Variants in SPPL3 observed in about 807,000 individuals in gnomAD.
SPPL3 encodes the protein signal peptide peptidase like 3.
Under a neutral mutation model 42.4 loss-of-function variants are expected in SPPL3, and 5 were observed. The observed-to-expected ratio is 0.12, with a 90% CI of 0.06 to 0.25. The LOEUF (loss-of-function observed/expected upper bound fraction) is 0.25. Among genes scored for constraint, SPPL3 ranks in the 10% least tolerant of loss-of-function variants. The probability of loss-of-function intolerance (pLI) is 1.00; values close to 1 mark genes in which losing one functional copy is unlikely to be tolerated. For missense variants in SPPL3, 235 were observed against 489.0 expected, an observed-to-expected ratio of 0.48 and a Z score of 4.90; for synonymous variants, 195 against 181.8, an observed-to-expected ratio of 1.07 and a Z score of -0.58.
chr12:120,806,988 G>A (rs1167471526), intron 2 of SPPL3, among the ~76,000 whole-genome samples: 1 of 152,062 alleles, frequency 6.6e-6, no homozygotes, highest in East Asian at 1.9e-4. Context: ...TGGTAAAGTG[G>A]CTTTAACAAA....
intron 2 of SPPL3, among the ~76,000 whole-genome samples, chr12:120,795,437 G>C (rs1254960455): frequency 1.3e-5 from 2 of 152,198 alleles, no homozygotes; most frequent in African/African-American, 4.8e-5. Context: ...CTTTCCGGTA[G>C]TGTATGGTAT....
chr12:120,781,292 A>G (rs576548396), intron 6 of SPPL3, among the ~76,000 whole-genome samples: 11 of 152,152 alleles, frequency 7.2e-5, no homozygotes, highest in Non-Finnish European at 1.5e-4. Context: ...AATAATAGGT[A>G]TAGATTTTTT....
intron 6 of SPPL3, among the ~76,000 whole-genome samples, chr12:120,779,507 T>A (rs1425383710): frequency 1.3e-5 from 2 of 152,212 alleles, no homozygotes; most frequent in East Asian, 1.9e-4. Context: ...ACAAGTAGTA[T>A]AAAATTGACT....
intron 2 of SPPL3, among the ~76,000 whole-genome samples, chr12:120,801,026 A>G (rs997141020): frequency 6.6e-5 from 10 of 152,240 alleles, no homozygotes; most frequent in African/African-American, 2.4e-4. Flanking sequence ...CTTCTCTGAC[A>G]TATTTCAGAT....
rs564751398 is a variant in SPPL3 at position 120,787,380 on chromosome 12, A to C, written c.191-2787T>G. On this transcript the variant is annotated intron_variant, in intron 3 of 10. Coordinates refer to ENST00000353487, the MANE Select transcript of SPPL3 (RefSeq NM_139015.5). ...ACATGGCTTTTTAAAATTCCACTTA[A>C]TACTACTTAAATGAAGGACTGATGT... Among the ~76,000 whole-genome samples the C allele has an allele frequency of 1.1e-3, 173 of 152,280 alleles. 1 individual carries two copies. Among genetic ancestry groups the C allele is most frequent in the African/African-American group, 3.9e-3 (160 of 41,556 alleles).
intron 1 of SPPL3, among the ~76,000 whole-genome samples, chr12:120,871,217 A>G (rs917902871): frequency 2.6e-5 from 4 of 151,944 alleles, no homozygotes; most frequent in Non-Finnish European, 5.9e-5. Context: ...ATACCACATG[A>G]CAGTACATTT....
intron 9 of SPPL3, among the ~76,000 whole-genome samples, 193 bp from the exon 10 acceptor site, chr12:120,766,565 G>T (rs3213571): frequency 6.6e-6 from 1 of 152,054 alleles, no homozygotes; most frequent in African/African-American, 2.4e-5. Flanking sequence ...ACAACTCCAA[G>T]GACACATGAC....
chr12:120,874,734 G>A (rs972752104), intron 1 of SPPL3, among the ~76,000 whole-genome samples: 24 of 152,032 alleles, frequency 1.6e-4, no homozygotes, highest in African/African-American at 5.6e-4. Context: ...TGATGTGGGG[G>A]AGAGTTTGGG....
At chr12:120,870,150 TAAAG>T (rs1395529023) in intron 1 of SPPL3, among the ~76,000 whole-genome samples, 1 of 151,550 alleles carries the variant, frequency 6.6e-6, no homozygotes, top group Non-Finnish European at 1.5e-5. Context: ...AGCAAAGTAA[TAAAG>T]AAAAAAAAGG....
At chr12:120,882,296 A>G (rs1338842096) in intron 1 of SPPL3, among the ~76,000 whole-genome samples, 2 of 152,148 alleles carry the variant, frequency 1.3e-5, no homozygotes, top group South Asian at 4.1e-4. Context: ...GGACTACTGT[A>G]TACAGTGTCA....
At chr12:120,825,903 T>A (rs1871217570) in intron 1 of SPPL3, among the ~76,000 whole-genome samples, 1 of 152,132 alleles carries the variant, frequency 6.6e-6, no homozygotes, top group Admixed American at 6.5e-5. Context: ...GGTGCTATAG[T>A]CACAAACTAT....
chr12:120,806,198 T>G (rs1300127351), intron 2 of SPPL3, among the ~76,000 whole-genome samples: 3 of 20,380 alleles, frequency 1.5e-4, no homozygotes, highest in Non-Finnish European at 2.0e-4. Context: ...TTATGGTCGA[T>G]TTTTTTTTTT....
chr12:120,884,808 G>GGGTTTTTT (rs35074232), intron 1 of SPPL3, among the ~76,000 whole-genome samples: 2 of 137,498 alleles, frequency 1.5e-5, no homozygotes, highest in African/African-American at 2.6e-5. Context: ...TTTTTTTTGG[G>GGGTTTTTT]TTTTTTTTTT....
intron 6 of SPPL3, among the ~76,000 whole-genome samples, chr12:120,781,555 GTTTTTTTTTTTT>G (rs527339173): frequency 5.4e-4 from 34 of 63,008 alleles, no homozygotes; most frequent in African/African-American, 1.4e-3. Flanking sequence ...TTATTGTTAC[GTTTTTTTTTTTT>G]TTTTTTTTTT....
chr12:120,811,521 T>C (rs1430846801), intron 1 of SPPL3: 1 of 152,188 alleles, frequency 6.6e-6, no homozygotes, highest in African/African-American at 2.4e-5. Context: ...TACTTCCACA[T>C]CCCGAACTAC....
chr12:120,766,488 T>G (rs1868912968), intron 9 of SPPL3, 116 bp from the exon 10 acceptor site: 8 of 791,624 alleles, frequency 1.0e-5, no homozygotes, highest in Non-Finnish European at 1.3e-5. Context: ...ATTCTATGGT[T>G]GGGGTGTGAA....
intron 10 of SPPL3, among the ~76,000 whole-genome samples, chr12:120,766,028 G>A (rs549627352): frequency 6.6e-6 from 1 of 151,984 alleles, no homozygotes; most frequent in African/African-American, 2.4e-5. Context: ...TAGTGGTCTA[G>A]CTCATCAGCA....
At position 120,783,736 on chromosome 12, in the gene SPPL3, A is replaced by C; in HGVS notation, c.327T>G (p.Ala109=). The part of the protein sequence containing the change: ...TICTAVLATI[A]FAFLLLPMCQ... ...ACATCGGGAGGAGAAGAAAAGCAAAAGCTATCGTTGCAAGAACTAGAGAAA... is the reference window on the plus strand; with the variant it reads ...ACATCGGGAGGAGAAGAAAAGCAAACGCTATCGTTGCAAGAACTAGAGAAA... Residue 109 remains alanine, a synonymous_variant, in exon 5 of 11, where the codon GCT becomes GCG. Transcript: ENST00000353487. The C allele has an allele frequency of 6.2e-7, 1 of 1,613,776 alleles. No homozygotes were observed.
At chr12:120,842,512 C>A (rs149648793) in intron 1 of SPPL3, among the ~76,000 whole-genome samples, 4 of 152,212 alleles carry the variant, frequency 2.6e-5, no homozygotes, top group East Asian at 1.9e-4. Context: ...TAACAAAATA[C>A]CTTAGACTAG....
Sources: gnomAD v4.1 joint callset for allele counts (sites outside exome capture counted in the v4.1 genomes callset) on GRCh38, gnomAD v4.1.1 for gene constraint, MANE v1.5 for transcripts, NCBI Gene and HGNC (gene_info 2026-07-23, HGNC 2026-07-21) for gene names.